GALNT9: variants seen among roughly 807,000 people sequenced by gnomAD.
GALNT9 encodes the protein GalNAc transferase 9.
Under a neutral mutation model 63.1 loss-of-function variants are expected in GALNT9, and 47 were observed. That is an observed-to-expected ratio of 0.75 (90% CI 0.59 to 0.95). The LOEUF (loss-of-function observed/expected upper bound fraction) is 0.95. Among genes scored for constraint, GALNT9 ranks in the 40% least tolerant of loss-of-function variants. The pLI is 0.00. For synonymous variants in GALNT9, 396 were observed against 365.7 expected (o/e 1.08, Z -0.94); for missense variants, 829 against 874.8 (o/e 0.95, Z 0.66).
intron 1 of GALNT9, among the ~76,000 whole-genome samples, chr12:132,305,158 T>C (rs376468704): frequency 0.44 from 8,957 of 20,148 alleles, 3,189 homozygotes; most frequent in East Asian, 0.99. Flanking sequence ...CACCCTCGCC[T>C]GGGCACAGCC....
At chr12:132,261,569 T>G (rs1879387965) in intron 3 of GALNT9, among the ~76,000 whole-genome samples, 1 of 152,128 alleles carries the variant, frequency 6.6e-6, no homozygotes, top group African/African-American at 2.4e-5. Flanking sequence ...CACCACCTTC[T>G]CCAGCGAGAC....
intron 1 of GALNT9, among the ~76,000 whole-genome samples, chr12:132,295,850 G>C (rs1881039825): frequency 6.8e-6 from 1 of 147,182 alleles, no homozygotes; most frequent in Non-Finnish European, 1.5e-5. Context: ...CCTCCGAACA[G>C]GGACGGCCTC....
chr12:132,326,261 T>A (rs1314596478), intron 1 of GALNT9, among the ~76,000 whole-genome samples: 1 of 152,276 alleles, frequency 6.6e-6, no homozygotes, highest in African/African-American at 2.4e-5. Flanking sequence ...CACAAAACCA[T>A]GGATGCTGTC....
At position 132,282,706 on chromosome 12, in the gene GALNT9, C is replaced by G. The variant is rs1880409272; in HGVS notation, c.419+3544G>C. ...CTGGTAATTCCAGAATTCACTCTGA[C>G]TGGACTGGCTTAAACCACCTGACCA... On this transcript the variant is annotated intron_variant, in intron 2 of 10. Transcript: ENST00000328957. This position sits in a 1 kb window ranked among gnomAD's most constrained non-coding sequence, Gnocchi z 4.5. The G allele has an allele frequency of 6.6e-6, 1 of 152,254 alleles. No homozygotes were observed. Among genetic ancestry groups the G allele is most frequent in the African/African-American group, 2.4e-5 (1 of 41,432 alleles). 9.4% of individuals were successfully genotyped at this position (152,254 alleles called of 1,614,324 possible). A position where few individuals can be genotyped will look rare whatever the true frequency, so the allele number is the denominator to read the frequency against.
At chr12:132,261,255 C>G in intron 3 of GALNT9, 133 bp from the exon 4 acceptor site, 1 of 1,381,654 alleles carries the variant, frequency 7.2e-7, no homozygotes, top group Non-Finnish European at 9.6e-7. Context: ...ACCCACTGAA[C>G]CACATGTGGT....
At chr12:132,244,140 G>C (rs2136906268) in intron 6 of GALNT9, among the ~76,000 whole-genome samples, 2 of 130,544 alleles carry the variant, frequency 1.5e-5, no homozygotes, top group South Asian at 2.7e-4. Flanking sequence ...GTGCCTCCAC[G>C]GGCCAAGACA....
intron 8 of GALNT9, among the ~76,000 whole-genome samples, chr12:132,199,741 G>GA (rs1419339063): frequency 2.0e-5 from 3 of 152,252 alleles, no homozygotes; most frequent in African/African-American, 7.2e-5. Context: ...ACTGCTGGGG[G>GA]ATGTGTTGTC....
chr12:132,211,500 C>T (rs974010493), intron 6 of GALNT9, among the ~76,000 whole-genome samples: 8 of 152,168 alleles, frequency 5.3e-5, no homozygotes, highest in African/African-American at 1.2e-4. Flanking sequence ...CGTGTCTATT[C>T]GGTCAAACCA....
At chr12:132,293,757 T>G (rs1282000916) in intron 1 of GALNT9, among the ~76,000 whole-genome samples, 2 of 148,810 alleles carry the variant, frequency 1.3e-5, no homozygotes, top group African/African-American at 5.0e-5. Context: ...AGAAGCCAGG[T>G]GAGCCCGTAA....
intron 1 of GALNT9, among the ~76,000 whole-genome samples, chr12:132,288,939 A>G (rs1160058413): frequency 3.4e-5 from 5 of 147,494 alleles, no homozygotes; most frequent in African/African-American, 1.3e-4. Context: ...GTGGCTGAGC[A>G]TGGTTCCAGA....
chr12:132,260,841 C>A, intron 4 of GALNT9, 107 bp downstream of exon 4: 2 of 1,408,864 alleles, frequency 1.4e-6, no homozygotes, highest in Non-Finnish European at 9.3e-7. Flanking sequence ...AGTCTCCCAG[C>A]CCCGGGGCCA....
At chr12:132,224,589 ACAACC>A in intron 6 of GALNT9, among the ~76,000 whole-genome samples, 1 of 100,292 alleles carries the variant, frequency 1.0e-5, no homozygotes, top group African/African-American at 4.0e-5. Flanking sequence ...CACACACCAC[ACAACC>A]CACACCCCAC....
chr12:132,247,815 C>A (rs1878771673), intron 6 of GALNT9, 95 bp downstream of exon 6: 2 of 1,526,862 alleles, frequency 1.3e-6, no homozygotes, highest in African/African-American at 2.8e-5. Flanking sequence ...CACCCCGTCC[C>A]CGGACACCGC....
In GALNT9 at chr12:132,310,842, C is replaced by T. The variant is rs1881786569; in HGVS notation, c.238+18124G>A. ...TGGCTGTGGCCTGAGGGAGGTGATCCCCAAACAGCCCAAACCCGGCTGTCC... is the reference window on the plus strand; with the variant it reads ...TGGCTGTGGCCTGAGGGAGGTGATCTCCAAACAGCCCAAACCCGGCTGTCC... On this transcript the variant is annotated intron_variant, in intron 1 of 10. Coordinates refer to ENST00000328957, the MANE Select transcript of GALNT9 (RefSeq NM_001122636.2). The surrounding 1 kb of genome is among the most constrained non-coding windows in gnomAD (Gnocchi z 4.8). 1.3e-5 allele frequency among the ~76,000 whole-genome samples: 2 copies of T among 152,128 alleles called. No individual in the cohort carries two copies. The highest frequency in any genetic ancestry group is 1.3e-4 in the Admixed American group (2 of 15,276).
At chr12:132,240,574 G>A (rs1555236853) in intron 6 of GALNT9, 1 of 453,754 alleles carries the variant, frequency 2.2e-6, no homozygotes, top group Non-Finnish European at 4.4e-6. Flanking sequence ...CTCCGTGCGT[G>A]GCCCCGGGGC....
chr12:132,274,600 T>TA (rs2135553115), intron 2 of GALNT9: 1 of 152,352 alleles, frequency 6.6e-6, no homozygotes, highest in East Asian at 1.9e-4. Flanking sequence ...GTGTGGCCTT[T>TA]ATGGAGCTTG....
At chr12:132,305,187 A>G (rs1593117337) in intron 1 of GALNT9, among the ~76,000 whole-genome samples, 1 of 45,936 alleles carries the variant, frequency 2.2e-5, no homozygotes, top group Non-Finnish European at 3.7e-5. Flanking sequence ...GCACACGCTC[A>G]CCCAGACACA....
intron 5 of GALNT9, among the ~76,000 whole-genome samples, chr12:132,251,443 C>T (rs782341869): frequency 6.6e-6 from 1 of 152,172 alleles, no homozygotes; most frequent in Non-Finnish European, 1.5e-5. Flanking sequence ...GGGAGGGGAG[C>T]GGCTGCTCTC....
chr12:132,244,766 G>T (rs1878642343), intron 6 of GALNT9, among the ~76,000 whole-genome samples: 1 of 100,344 alleles, frequency 1.0e-5, no homozygotes, highest in Non-Finnish European at 2.0e-5. Context: ...GGGGCGTGGT[G>T]ATGGGGCTGG....
Sources: allele counts gnomAD v4.1 joint callset (sites outside exome capture counted in the v4.1 genomes callset), GRCh38; gene constraint gnomAD v4.1.1; non-coding constraint Gnocchi (gnomAD v3.1); transcripts MANE v1.5; gene names NCBI Gene and HGNC (gene_info 2026-07-23, HGNC 2026-07-21).